GLIS1: variants seen among roughly 807,000 people sequenced by gnomAD.
GLIS1 encodes the protein GLIS family zinc finger 1, also known as zinc finger protein GLIS1.
Under a neutral mutation model 63.8 loss-of-function variants are expected in GLIS1, and 24 were observed. The ratio of observed to expected loss-of-function variants is 0.38; its 90% CI spans 0.27 to 0.53. The LOEUF (loss-of-function observed/expected upper bound fraction) is 0.53, where lower values mean the gene tolerates loss of function less well. Ranked by LOEUF, GLIS1 falls within the 20% of genes least tolerant of loss-of-function variation. The probability of loss-of-function intolerance (pLI) is 0.85; values close to 1 mark genes in which losing one functional copy is unlikely to be tolerated. For synonymous variants in GLIS1, 450 were observed against 482.5 expected (o/e 0.93, Z 0.88); for missense variants, 1,036 against 1,074.1 (o/e 0.96, Z 0.50).
At chr1:53,667,512 G>T (rs560440565) in intron 2 of GLIS1, among the ~76,000 whole-genome samples, 4 of 152,192 alleles carry the variant, frequency 2.6e-5, no homozygotes, top group Non-Finnish European at 4.4e-5. Flanking sequence ...CTTGGTCCTG[G>T]TCTGGCCCCA....
At position 53,711,437 on chromosome 1, in the gene GLIS1, TAAATAAATAAAC is replaced by T. The variant is rs1040690684; in HGVS notation, c.259+26357_259+26368del. Among the ~76,000 whole-genome samples the T allele has an allele frequency of 1.5e-4, 23 of 152,150 alleles. No homozygotes were observed. In the East Asian group the frequency reaches 4.3e-3, roughly 28 times the overall value. On this transcript the variant is annotated intron_variant, in intron 2 of 10. Coordinates refer to ENST00000628545, the MANE Select transcript of GLIS1 (RefSeq NM_001367484.1). ...AAGAAGGTAAAACTTAAAAGGTAAA[TAAATAAATAAAC>T]AAATAAATAAAAGCCTCTGTGCCTT...
intron 2 of GLIS1, among the ~76,000 whole-genome samples, chr1:53,683,695 G>A (rs1305058930): frequency 6.6e-6 from 1 of 152,164 alleles, no homozygotes; most frequent in African/African-American, 2.4e-5. Flanking sequence ...GAATGACCGA[G>A]GTGCCCGGTA....
chr1:53,538,160 T>C (rs955097084), intron 4 of GLIS1, among the ~76,000 whole-genome samples: 6 of 152,178 alleles, frequency 3.9e-5, no homozygotes, highest in African/African-American at 1.4e-4. Flanking sequence ...GCCAGTCCTC[T>C]GTGGGGAGGT....
chr1:53,648,033 A>G (rs910853855), intron 2 of GLIS1, among the ~76,000 whole-genome samples: 1 of 152,096 alleles, frequency 6.6e-6, no homozygotes, highest in Admixed American at 6.5e-5. Context: ...TTAGCCAGGC[A>G]TGGTGGTATG....
At chr1:53,692,232 C>T (rs1646413296) in intron 2 of GLIS1, among the ~76,000 whole-genome samples, 2 of 152,192 alleles carry the variant, frequency 1.3e-5, no homozygotes, top group African/African-American at 4.8e-5. Flanking sequence ...AAGCACACCA[C>T]GTAATGAGGC....
chr1:53,662,777 T>C (rs1646043115), intron 2 of GLIS1, among the ~76,000 whole-genome samples: 1 of 152,056 alleles, frequency 6.6e-6, no homozygotes, highest in South Asian at 2.1e-4. Flanking sequence ...TCTGCCTTAC[T>C]CCCCCATCCA....
chr1:53,633,806 TG>T (rs1441514002), intron 2 of GLIS1, among the ~76,000 whole-genome samples: 2 of 151,350 alleles, frequency 1.3e-5, no homozygotes, highest in African/African-American at 4.9e-5. Context: ...TGTCTCGGCG[TG>T]GGGGGGATAG....
chr1:53,705,454 T>C (rs2100505965), intron 2 of GLIS1, among the ~76,000 whole-genome samples: 1 of 152,344 alleles, frequency 6.6e-6, no homozygotes, highest in Non-Finnish European at 1.5e-5. Flanking sequence ...ACTTTTCCTC[T>C]TGGGGAGTTG....
At chr1:53,712,719 C>G (rs530411924) in intron 2 of GLIS1, among the ~76,000 whole-genome samples, 3 of 152,268 alleles carry the variant, frequency 2.0e-5, no homozygotes, top group African/African-American at 7.2e-5. Flanking sequence ...GCTTGCAGAG[C>G]CTGCCCTCCT....
intron 4 of GLIS1, among the ~76,000 whole-genome samples, chr1:53,552,514 A>C (rs1644770455): frequency 6.6e-6 from 1 of 152,232 alleles, no homozygotes; most frequent in Admixed American, 6.5e-5. Flanking sequence ...TTGTCTTTTT[A>C]AATAAAAACC....
intron 2 of GLIS1, among the ~76,000 whole-genome samples, chr1:53,704,382 G>T (rs1486586710): frequency 6.6e-6 from 1 of 152,246 alleles, no homozygotes; most frequent in African/African-American, 2.4e-5. Flanking sequence ...GAGAGGGGAA[G>T]TAACTTACCC....
At chr1:53,708,112 C>G (rs1414234864) in intron 2 of GLIS1, among the ~76,000 whole-genome samples, 1 of 151,684 alleles carries the variant, frequency 6.6e-6, no homozygotes, top group Non-Finnish European at 1.5e-5. Context: ...GAAAACCTGT[C>G]TCTATTAAAA....
At chr1:53,514,247 A>G (rs1161879827) in intron 8 of GLIS1, among the ~76,000 whole-genome samples, 1 of 152,180 alleles carries the variant, frequency 6.6e-6, no homozygotes, top group African/African-American at 2.4e-5. Context: ...GTCTGCTCCC[A>G]AATGCACAGA....
chr1:53,688,520 A>G (rs1646366762), intron 2 of GLIS1, among the ~76,000 whole-genome samples: 1 of 151,880 alleles, frequency 6.6e-6, no homozygotes, highest in Admixed American at 6.6e-5. Flanking sequence ...CCCCTCCTCC[A>G]CAAAGACTTC....
At chr1:53,733,983 A>G in intron 2 of GLIS1, 3 of 985,230 alleles carry the variant, frequency 3.0e-6, no homozygotes, top group Non-Finnish European at 3.6e-6. Flanking sequence ...AAGAAATTCA[A>G]CCAGGTGGTA....
intron 4 of GLIS1, among the ~76,000 whole-genome samples, chr1:53,573,042 T>C (rs1004457684): frequency 5.9e-5 from 9 of 152,202 alleles, no homozygotes; most frequent in Admixed American, 5.2e-4. Flanking sequence ...GGAGAACCAG[T>C]CTTACAGGTT....
chr1:53,618,902 C>A (rs936062208), intron 2 of GLIS1, among the ~76,000 whole-genome samples: 9 of 152,214 alleles, frequency 5.9e-5, no homozygotes, highest in African/African-American at 2.2e-4. Context: ...TCTAGTCCTA[C>A]CCTGGCTCTT....
chr1:53,710,116 C>G (rs1159039414), intron 2 of GLIS1, among the ~76,000 whole-genome samples: 2 of 152,280 alleles, frequency 1.3e-5, no homozygotes, highest in South Asian at 4.1e-4. Context: ...GGAAGAGGAG[C>G]CCCTTCTTTC....
At chr1:53,642,438 C>T (rs904339221) in intron 2 of GLIS1, among the ~76,000 whole-genome samples, 1 of 152,154 alleles carries the variant, frequency 6.6e-6, no homozygotes, top group African/African-American at 2.4e-5. Flanking sequence ...CCTTCCACCT[C>T]GGGGCCCTGC....
Sources: allele counts gnomAD v4.1 joint callset (sites outside exome capture counted in the v4.1 genomes callset), GRCh38; gene constraint gnomAD v4.1.1; transcripts MANE v1.5; gene names NCBI Gene and HGNC (gene_info 2026-07-23, HGNC 2026-07-21).